The following GPC5 variants were observed in gnomAD, a reference collection of about 807,000 sequenced individuals.
The protein encoded by GPC5 is glypican 5, also known as glypican-5.
In GPC5, 47 loss-of-function variants were observed where a neutral mutation model predicts 53.9. The ratio of observed to expected loss-of-function variants is 0.87; its 90% CI spans 0.69 to 1.11. GPC5 has a LOEUF of 1.11. Ranked by LOEUF, GPC5 falls within the 50% of genes most tolerant of loss-of-function variation. GPC5 has a pLI of 0.00. For missense variants in GPC5, 748 were observed against 713.1 expected (o/e 1.05, Z -0.56); for synonymous variants, 286 against 263.3 (o/e 1.09, Z -0.84).
intron 7 of GPC5, among the ~76,000 whole-genome samples, chr13:92,225,455 G>A (rs1021913627): frequency 5.9e-5 from 9 of 152,226 alleles, no homozygotes; most frequent in East Asian, 1.9e-4. Flanking sequence ...TGTAATTTCC[G>A]TCTGACCTCA....
At chr13:92,408,358 C>G (rs1382548550) in intron 7 of GPC5, among the ~76,000 whole-genome samples, 1 of 152,094 alleles carries the variant, frequency 6.6e-6, no homozygotes, top group Non-Finnish European at 1.5e-5. Context: ...GCTCAATCAA[C>G]TTTTCTATCA....
chr13:92,037,028 T>C (rs1288687667), intron 6 of GPC5, among the ~76,000 whole-genome samples: 1 of 152,200 alleles, frequency 6.6e-6, no homozygotes, highest in Non-Finnish European at 1.5e-5. Context: ...AAAAATGTAA[T>C]TCAATTCATG....
chr13:92,542,075 A>G (rs1420659950), intron 7 of GPC5, among the ~76,000 whole-genome samples: 1 of 152,038 alleles, frequency 6.6e-6, no homozygotes, highest in Non-Finnish European at 1.5e-5. Flanking sequence ...ACAATTGTAT[A>G]TAATCTGGAA....
intron 2 of GPC5, among the ~76,000 whole-genome samples, chr13:91,584,837 C>G (rs2032501671): frequency 6.6e-6 from 1 of 152,116 alleles, no homozygotes; most frequent in Non-Finnish European, 1.5e-5. Context: ...GCCCGGTCTC[C>G]CAAAGTGCTG....
chr13:92,670,703 C>A (rs1886716816), intron 7 of GPC5, among the ~76,000 whole-genome samples: 1 of 152,118 alleles, frequency 6.6e-6, no homozygotes, highest in Non-Finnish European at 1.5e-5. Context: ...GTCTGCCCAG[C>A]ATTTAAGAAG....
At chr13:92,792,763 C>T (rs539741633) in intron 7 of GPC5, among the ~76,000 whole-genome samples, 1 of 152,004 alleles carries the variant, frequency 6.6e-6, no homozygotes, top group Admixed American at 6.6e-5. Context: ...GACTTTAAAC[C>T]AACAAAGATC....
chr13:92,598,015 T>C lies in GPC5; in HGVS notation c.1562-268267T>C, dbSNP rs140992271. Among the ~76,000 whole-genome samples, 231 of 152,296 alleles carry C rather than the reference T, an allele frequency of 1.5e-3. 1 individual carries two copies. The highest frequency in any genetic ancestry group is 5.1e-3 in the African/African-American group (213 of 41,558). On this transcript the variant is annotated intron_variant, in intron 7 of 7. Coordinates refer to ENST00000377067, the MANE Select transcript of GPC5 (RefSeq NM_004466.6). ...AGGGACAGTTTTCAGTTATTCACTT[T>C]ATATATTGACTGAACCCTGAGTCAA...
intron 6 of GPC5, among the ~76,000 whole-genome samples, chr13:92,102,792 TTCTC>T (rs1262453996): frequency 9.9e-5 from 15 of 152,186 alleles, no homozygotes; most frequent in African/African-American, 2.9e-4. Context: ...CCTCAGCACT[TTCTC>T]TTTCTTGTAA....
intron 1 of GPC5, among the ~76,000 whole-genome samples, chr13:91,441,443 T>C (rs1342629662): frequency 6.6e-6 from 1 of 152,198 alleles, no homozygotes; most frequent in Non-Finnish European, 1.5e-5. Context: ...GATTTCTTTA[T>C]ATTGCAGGTG....
intron 2 of GPC5, among the ~76,000 whole-genome samples, chr13:91,531,273 T>C (rs1165790088): frequency 3.3e-5 from 5 of 152,300 alleles, no homozygotes; most frequent in South Asian, 4.1e-4. Context: ...ATTGTTTTAC[T>C]TGAAGGGACC....
chr13:91,698,934 C>T (rs1413714244), intron 3 of GPC5, among the ~76,000 whole-genome samples: 1 of 152,122 alleles, frequency 6.6e-6, no homozygotes, highest in African/African-American at 2.4e-5. Context: ...GACACACAGG[C>T]ACATGCAAAC....
chr13:91,585,398 A>G (rs886233849), intron 2 of GPC5, among the ~76,000 whole-genome samples: 7 of 152,218 alleles, frequency 4.6e-5, no homozygotes, highest in Non-Finnish European at 8.8e-5. Flanking sequence ...TCCCATGCCT[A>G]TCCATACTAA....
At chr13:92,041,477 C>T (rs1038351199) in intron 6 of GPC5, among the ~76,000 whole-genome samples, 1 of 152,180 alleles carries the variant, frequency 6.6e-6, no homozygotes, top group Admixed American at 6.5e-5. Context: ...CATTTAACTT[C>T]TGACAAAACA....
At chr13:92,423,684 T>G (rs1876690401) in intron 7 of GPC5, among the ~76,000 whole-genome samples, 1 of 152,204 alleles carries the variant, frequency 6.6e-6, no homozygotes, top group African/African-American at 2.4e-5. Context: ...ATAGCAATTT[T>G]CTTAATGTTA....
At chr13:92,752,480 G>C (rs1273914329) in intron 7 of GPC5, among the ~76,000 whole-genome samples, 1 of 152,170 alleles carries the variant, frequency 6.6e-6, no homozygotes, top group Admixed American at 6.5e-5. Context: ...TGGATGGGGG[G>C]AGGAGCCAAG....
chr13:92,081,349 G>T (rs762248732), intron 6 of GPC5, among the ~76,000 whole-genome samples: 1 of 152,134 alleles, frequency 6.6e-6, no homozygotes, highest in African/African-American at 2.4e-5. Flanking sequence ...TGATCCGCCT[G>T]CCTTGGACTC....
chr13:91,773,146 C>T (rs1441357071), intron 5 of GPC5, among the ~76,000 whole-genome samples: 1 of 152,074 alleles, frequency 6.6e-6, no homozygotes, highest in African/African-American at 2.4e-5. Context: ...AAGCCTTTAA[C>T]ACAGACAGAA....
At chr13:92,692,253 C>T (rs1887422262) in intron 7 of GPC5, among the ~76,000 whole-genome samples, 1 of 152,122 alleles carries the variant, frequency 6.6e-6, no homozygotes, top group African/African-American at 2.4e-5. Context: ...ACCTACACCA[C>T]ATTTTCTTGA....
intron 6 of GPC5, among the ~76,000 whole-genome samples, chr13:91,985,393 G>A (rs1215677733): frequency 1.4e-5 from 2 of 147,134 alleles, no homozygotes; most frequent in African/African-American, 2.5e-5. Context: ...TTACTAGTGT[G>A]ACAATCTTTG....
Sources: gnomAD v4.1 joint callset for allele counts (sites outside exome capture counted in the v4.1 genomes callset) on GRCh38, gnomAD v4.1.1 for gene constraint, MANE v1.5 for transcripts, NCBI Gene and HGNC (gene_info 2026-07-23, HGNC 2026-07-21) for gene names.